PIGU: variants seen among roughly 807,000 people sequenced by gnomAD.
PIGU encodes the protein GPI-anchor transamidase component PIGU.
In PIGU, 24 loss-of-function variants were observed where a neutral mutation model predicts 49.9. The observed-to-expected ratio is 0.48, with a 90% CI of 0.35 to 0.68. The LOEUF (loss-of-function observed/expected upper bound fraction) is 0.68, where lower values mean the gene tolerates loss of function less well. PIGU is among the 30% of genes least tolerant of loss of function. The pLI is 0.01. For synonymous variants in PIGU, 220 were observed against 205.7 expected, an observed-to-expected ratio of 1.07 and a Z score of -0.59; for missense variants, 490 against 532.6, an observed-to-expected ratio of 0.92 and a Z score of 0.79.
At chr20:34,561,676 C>T (rs891032813) in intron 11 of PIGU, among the ~76,000 whole-genome samples, 1 of 152,134 alleles carries the variant, frequency 6.6e-6, no homozygotes, top group Non-Finnish European at 1.5e-5. Flanking sequence ...CTTCCCAAGC[C>T]TTAGGGCAAA....
intron 6 of PIGU, among the ~76,000 whole-genome samples, chr20:34,626,337 T>C: frequency 6.6e-6 from 1 of 151,872 alleles, no homozygotes. Flanking sequence ...AGCTCCGCTT[T>C]TGTTGCCCAG....
chr20:34,596,984 C>A (rs1984225293), intron 7 of PIGU, among the ~76,000 whole-genome samples: 1 of 152,062 alleles, frequency 6.6e-6, no homozygotes, highest in South Asian at 2.1e-4. Context: ...TTAAAAAGAT[C>A]GATACCATCA....
rs1009148455 is a variant in PIGU, at chr20:34,588,539, C to T, written c.696G>A (p.Met232Ile). ...FWIFSWEYAM[M>I]YVGSLVVIIC... The stretch of plus-strand genomic sequence containing the variant: ...TGATTACCACTAGGCTTCCCACATA[C>T]ATCATGGCATACTCCCAAGAAAAGA... The change falls in exon 8 of 12, where the codon ATG becomes ATA. Residue 232 changes from methionine to isoleucine, a missense_variant. Physicochemically the swap from Met to Ile is conservative, Grantham distance 10. Transcript: ENST00000217446. The T allele has an allele frequency of 3.1e-6, 5 of 1,613,474 alleles. No homozygotes were observed. The highest frequency in any genetic ancestry group is 2.2e-5 in the East Asian group (1 of 44,882).
rs377671021 is a variant in PIGU, at chr20:34,634,604, C to T, written c.529+11G>A. 2.5e-5 allele frequency: 40 copies of T among 1,610,846 alleles called. No homozygotes were observed. In the African/African-American group the frequency reaches 5.3e-4, roughly 22 times the overall value. On this transcript the variant is annotated intron_variant, in intron 6 of 11. Coordinates refer to ENST00000217446, the MANE Select transcript of PIGU (RefSeq NM_080476.5). Reference sequence around the variant, plus strand: ...GGGACTGACCTTTGTACTCTCCTTTCAGGGCCTTACCTTTTATCGTAGTCA... The same window carrying T: ...GGGACTGACCTTTGTACTCTCCTTTTAGGGCCTTACCTTTTATCGTAGTCA...
At chr20:34,597,268 C>A (rs1488779988) in intron 7 of PIGU, among the ~76,000 whole-genome samples, 1 of 152,044 alleles carries the variant, frequency 6.6e-6, no homozygotes, top group Non-Finnish European at 1.5e-5. Context: ...AATGGGTAAA[C>A]AAAACGCTGC....
chr20:34,566,918 G>A (rs1360885544), intron 11 of PIGU, among the ~76,000 whole-genome samples: 1 of 152,232 alleles, frequency 6.6e-6, no homozygotes, highest in Non-Finnish European at 1.5e-5. Flanking sequence ...GAGAGAGATT[G>A]ACTTTTTTTG....
intron 7 of PIGU, among the ~76,000 whole-genome samples, chr20:34,593,178 A>C (rs1196398607): frequency 6.6e-6 from 1 of 152,052 alleles, no homozygotes; most frequent in Non-Finnish European, 1.5e-5. Context: ...CTCTACAACA[A>C]ATACAAAAAT....
At chr20:34,617,086 G>C (rs577166600) in intron 6 of PIGU, among the ~76,000 whole-genome samples, 1 of 152,212 alleles carries the variant, frequency 6.6e-6, no homozygotes, top group South Asian at 2.1e-4. Flanking sequence ...CTCCAGCCTG[G>C]GTGTCCAGGC....
intron 2 of PIGU, among the ~76,000 whole-genome samples, chr20:34,651,147 T>G (rs1168372946): frequency 6.6e-6 from 1 of 152,234 alleles, no homozygotes; most frequent in Non-Finnish European, 1.5e-5. Context: ...CTTTAGGGAT[T>G]GAGCTAATTT....
intron 11 of PIGU, among the ~76,000 whole-genome samples, chr20:34,572,465 G>A (rs1201430764): frequency 6.6e-6 from 1 of 151,980 alleles, no homozygotes; most frequent in African/African-American, 2.4e-5. Context: ...TAGCTAATGT[G>A]GTGAAACCCT....
intron 11 of PIGU, among the ~76,000 whole-genome samples, chr20:34,563,499 C>T (rs765149007): frequency 1.3e-5 from 2 of 151,974 alleles, no homozygotes; most frequent in African/African-American, 4.8e-5. Context: ...ACCTGGGAGG[C>T]GGAGATGCGC....
intron 6 of PIGU, among the ~76,000 whole-genome samples, chr20:34,620,641 T>C (rs546321242): frequency 6.6e-6 from 1 of 151,490 alleles, no homozygotes; most frequent in African/African-American, 2.4e-5. Context: ...GAAACCCTGT[T>C]TCTACTAAAA....
At chr20:34,647,626 C>G (rs1171225216) in intron 2 of PIGU, among the ~76,000 whole-genome samples, 1 of 151,872 alleles carries the variant, frequency 6.6e-6, no homozygotes, top group Non-Finnish European at 1.5e-5. Flanking sequence ...AGGCTGGTCT[C>G]GATCTCCTGA....
chr20:34,577,894 G>C (rs1401068120), intron 10 of PIGU, among the ~76,000 whole-genome samples: 1 of 152,144 alleles, frequency 6.6e-6, no homozygotes, highest in African/African-American at 2.4e-5. Context: ...GCCCCTTACA[G>C]TCTGCAACAG....
intron 1 of PIGU, among the ~76,000 whole-genome samples, chr20:34,672,301 G>A (rs754542616): frequency 6.6e-6 from 1 of 152,138 alleles, no homozygotes; most frequent in Non-Finnish European, 1.5e-5. Context: ...GTAGAAATAG[G>A]TAACAGAAAA....
intron 9 of PIGU, among the ~76,000 whole-genome samples, chr20:34,584,398 A>G (rs976772716): frequency 6.6e-6 from 1 of 151,836 alleles, no homozygotes; most frequent in Non-Finnish European, 1.5e-5. Flanking sequence ...CAGCCTCCCA[A>G]CTAAACCATC....
At chr20:34,617,152 G>A (rs756936276) in intron 6 of PIGU, among the ~76,000 whole-genome samples, 4 of 152,220 alleles carry the variant, frequency 2.6e-5, no homozygotes, top group African/African-American at 4.8e-5. Context: ...AGGGCAATGC[G>A]GAAGCGAAAT....
At chr20:34,654,038 T>C (rs7354735) in intron 2 of PIGU, among the ~76,000 whole-genome samples, 26,449 of 106,914 alleles carry the variant, frequency 0.25, 4,421 homozygotes, top group Admixed American at 0.37. Context: ...TTTGTATTTT[T>C]AGTAGAGACG....
At chr20:34,623,929 C>T (rs1035757040) in intron 6 of PIGU, among the ~76,000 whole-genome samples, 3 of 152,098 alleles carry the variant, frequency 2.0e-5, no homozygotes, top group African/African-American at 7.2e-5. Context: ...CCTACAGGAA[C>T]CTCAACTCGA....
Sources: allele counts gnomAD v4.1 joint callset (sites outside exome capture counted in the v4.1 genomes callset), GRCh38; gene constraint gnomAD v4.1.1; transcripts MANE v1.5; gene names NCBI Gene and HGNC (gene_info 2026-07-23, HGNC 2026-07-21).